Variants in E2F1 observed in about 807,000 individuals in gnomAD.
The protein encoded by E2F1 is transcription factor E2F1.
E2F1 carries 7 observed loss-of-function variants against 36.9 expected under a neutral mutation model. That is an observed-to-expected ratio of 0.19 (90% CI 0.11 to 0.36). E2F1 has a LOEUF of 0.36. Among genes scored for constraint, E2F1 ranks in the 10% least tolerant of loss-of-function variants. The pLI is 1.00. For synonymous variants in E2F1, 261 were observed against 263.1 expected (o/e 0.99, Z 0.08); for missense variants, 406 against 573.6 (o/e 0.71, Z 2.99).
rs1042333922 is a variant in E2F1, at chr20:33,685,288, CAG to C, written c.261+714_261+715del. Among the ~76,000 whole-genome samples the C allele has an allele frequency of 4.0e-4, 61 of 151,988 alleles. 2 individuals are homozygous for C. The highest frequency in any genetic ancestry group is 8.8e-5 in the Non-Finnish European group (6 of 67,984). On this transcript the variant is annotated intron_variant, in intron 1 of 6. Coordinates refer to ENST00000343380, the MANE Select transcript of E2F1 (RefSeq NM_005225.3). ...GGAGGGTGGCAGATGGAAGGACAGG[CAG>C]AGGGAGGGGATCAGCAGCTGGTCCA...
intron 1 of E2F1, among the ~76,000 whole-genome samples, chr20:33,682,706 G>A (rs2018028903): frequency 6.6e-6 from 1 of 152,208 alleles, no homozygotes; most frequent in Admixed American, 6.5e-5. Context: ...ACGCAGGGGT[G>A]AAGACATTCA....
chr20:33,680,021 C>G, intron 2 of E2F1, 47 bp from the exon 3 acceptor site: 1 of 1,446,106 alleles, frequency 6.9e-7, no homozygotes, highest in Non-Finnish European at 9.5e-7. Flanking sequence ...GCATCCACCC[C>G]CACCTCCAGC....
chr20:33,677,866 C>G (rs1481277935), intron 4 of E2F1, among the ~76,000 whole-genome samples: 1 of 152,198 alleles, frequency 6.6e-6, no homozygotes, highest in African/African-American at 2.4e-5. Flanking sequence ...TCAACCAGAG[C>G]TCACTGCAGC....
chr20:33,680,545 G>A, intron 1 of E2F1, 129 bp from the exon 2 acceptor site: 1 of 699,934 alleles, frequency 1.4e-6, no homozygotes, highest in South Asian at 1.8e-5. Flanking sequence ...TGTGACTGAG[G>A]GAGATCAGAG....
At chr20:33,682,942 T>A (rs911413570) in intron 1 of E2F1, among the ~76,000 whole-genome samples, 2 of 152,322 alleles carry the variant, frequency 1.3e-5, no homozygotes, top group East Asian at 3.9e-4. Flanking sequence ...TCAGTTTATA[T>A]TATTATAGAA....
chr20:33,678,147 G>A (rs2017982529), intron 4 of E2F1, 54 bp downstream of exon 4: 1 of 1,560,546 alleles, frequency 6.4e-7, no homozygotes, highest in Non-Finnish European at 8.7e-7. Flanking sequence ...CACTTGGGTG[G>A]AGCCCCTGCC....
chr20:33,677,059 C>G (rs747336438), intron 6 of E2F1, 46 bp downstream of exon 6: 30 of 1,578,894 alleles, frequency 1.9e-5, no homozygotes, highest in Admixed American at 3.5e-5. Context: ...GCCCACCCCC[C>G]AGAAGAGGGG....
intron 2 of E2F1, 71 bp downstream of exon 2, chr20:33,680,255 T>A: frequency 6.7e-7 from 1 of 1,496,340 alleles, no homozygotes; most frequent in Non-Finnish European, 9.2e-7. Context: ...CTTGCAAGCA[T>A]GTTTGTCTGT....
At position 33,686,018 on chromosome 20, in the gene E2F1, G is replaced by C; in HGVS notation, c.247C>G (p.Leu83Val). The change falls in exon 1 of 7, where the codon CTC becomes GTC. Residue 83 changes from leucine to valine, a missense_variant. Leu to Val is a conservative substitution (Grantham distance 32). Coordinates refer to ENST00000343380, the MANE Select transcript of E2F1 (RefSeq NM_005225.3). ...GGGGTCCGTACCGGCGGGCGGCCGA[G>C]CGCGGGCCGCGGCGCACTGGGTGTG... Reference protein sequence around the residue: ...RPTPSAPRPALGRPPVKRRLD... With the variant: ...RPTPSAPRPAVGRPPVKRRLD... The C allele has an allele frequency of 8.8e-7, 1 of 1,131,940 alleles. No homozygotes were observed. The highest frequency in any genetic ancestry group is 1.1e-6 in the Non-Finnish European group (1 of 925,112). The allele number at this position is 1,131,940 out of a possible 1,614,324, so 70.1% of individuals were successfully genotyped here. A position where few individuals can be genotyped will look rare whatever the true frequency, so the allele number is the denominator to read the frequency against.
At position 33,678,345 on chromosome 20, in the gene E2F1, T is replaced by C; in HGVS notation, c.581A>G (p.His194Arg). Reference protein sequence around the residue: ...SKNHIQWLGSHTTVGVGGRLE... With the variant: ...SKNHIQWLGSRTTVGVGGRLE... ...CCGTCCGCCGACGCCCACTGTGGTG[T>C]GGCTGCCCCTGTGGGGAGGCACCAG... Residue 194 changes from histidine (H) to arginine (R), a missense_variant, in exon 4 of 7, where the codon CAC (histidine) becomes CGC (arginine). Physicochemically the swap from His to Arg is conservative, Grantham distance 29 (BLOSUM62 0). Transcript: ENST00000343380. 6.2e-7 allele frequency: 1 copy of C among 1,612,078 alleles called. No individual in the cohort carries two copies.
At chr20:33,678,632 TG>T (rs2017988501) in intron 3 of E2F1, among the ~76,000 whole-genome samples, 1 of 150,692 alleles carries the variant, frequency 6.6e-6, no homozygotes. Context: ...CACACACACA[TG>T]CATTTCCAAG....
At chr20:33,677,389 G>A (rs992581181) in intron 5 of E2F1, 37 bp downstream of exon 5, 1 of 1,611,638 alleles carries the variant, frequency 6.2e-7, no homozygotes, top group Non-Finnish European at 8.5e-7. Flanking sequence ...GCCCAGCCCA[G>A]CCCAGCCCAG....
intron 1 of E2F1, among the ~76,000 whole-genome samples, chr20:33,681,277 A>C (rs533207862): frequency 6.6e-6 from 1 of 152,242 alleles, no homozygotes; most frequent in East Asian, 1.9e-4. Context: ...AGGCTCAAGC[A>C]ATTCTCCCAT....
chr20:33,678,249 A>C lies in E2F1; in HGVS notation c.677T>G (p.Ile226Ser). 1 of 1,613,822 alleles carries C rather than the reference A, an allele frequency of 6.2e-7. No individual in the cohort carries two copies. The highest frequency in any genetic ancestry group is 8.5e-7 in the Non-Finnish European group (1 of 1,180,016). The change falls in exon 4 of 7, where the codon ATC becomes AGC. Residue 226 changes from isoleucine to serine, a missense_variant. Transcript: ENST00000343380. ...GAGCAGGCGCAGCTGCGTAGTACAG[A>C]TATTCATCAGGTGGTCCAGCTGCTG... ...SEQQLDHLMNICTTQLRLLSE... is the reference protein window; with the variant it reads ...SEQQLDHLMNSCTTQLRLLSE...
intron 1 of E2F1, among the ~76,000 whole-genome samples, chr20:33,682,170 G>A (rs1422980180): frequency 6.6e-6 from 1 of 152,182 alleles, no homozygotes; most frequent in Non-Finnish European, 1.5e-5. Flanking sequence ...TGAATCACTT[G>A]AGAATCTATA....
At chr20:33,678,877 G>A (rs2017991835) in intron 3 of E2F1, among the ~76,000 whole-genome samples, 1 of 152,114 alleles carries the variant, frequency 6.6e-6, no homozygotes, top group African/African-American at 2.4e-5. Context: ...GGAGGTTGAG[G>A]CTGCAGTGAG....
chr20:33,678,418 G>C lies in E2F1; in HGVS notation c.573-65C>G, dbSNP rs150303208. The C allele has an allele frequency of 4.2e-3, 6,588 of 1,582,830 alleles. 15 individuals carry two copies. Among genetic ancestry groups the C allele is most frequent in the Non-Finnish European group, 5.3e-3 (6,156 of 1,162,340 alleles). ...TGGCCCCTCTGGCCAGGAGCCCTGG[G>C]CCTCAGGACAGAGTCTGCTGTTGCC... is the stretch of plus-strand genomic sequence containing the variant. On this transcript the variant is annotated intron_variant, in intron 3 of 6. Coordinates refer to ENST00000343380, the MANE Select transcript of E2F1 (RefSeq NM_005225.3).
Position 33,676,989 on chromosome 20 carries a change from C to T in E2F1, c.1067-10G>A, listed in dbSNP as rs769885322. ...CGGGACAACAGCGGTTCTGGGGAGA[C>T]GGGGAGCATCACAGGCCGGGGATGC... On this transcript the variant is annotated splice_polypyrimidine_tract_variant and intron_variant, in intron 6 of 6. Coordinates refer to ENST00000343380, the MANE Select transcript of E2F1 (RefSeq NM_005225.3). 1.3e-5 allele frequency: 20 copies of T among 1,558,726 alleles called. No homozygotes were observed. The highest frequency in any genetic ancestry group is 7.0e-5 in the East Asian group (3 of 43,098).
intron 3 of E2F1, among the ~76,000 whole-genome samples, chr20:33,678,959 C>CA (rs761972147): frequency 2.0e-4 from 31 of 151,762 alleles, no homozygotes; most frequent in Non-Finnish European, 4.1e-4. Flanking sequence ...CCCCTCCACC[C>CA]AAAAAACCAC....
Sources: gnomAD v4.1 joint callset for allele counts (sites outside exome capture counted in the v4.1 genomes callset) on GRCh38, gnomAD v4.1.1 for gene constraint, MANE v1.5 for transcripts, NCBI Gene and HGNC (gene_info 2026-07-23, HGNC 2026-07-21) for gene names.